Variants in OPCML observed in about 807,000 individuals in gnomAD.
OPCML encodes the protein opioid binding protein/cell adhesion molecule like, also known as opioid-binding protein/cell adhesion molecule.
Under a neutral mutation model 37.8 loss-of-function variants are expected in OPCML, and 13 were observed. That is an observed-to-expected ratio of 0.34 (90% CI 0.22 to 0.55). The LOEUF (loss-of-function observed/expected upper bound fraction) is 0.55, where lower values mean the gene tolerates loss of function less well. Ranked by LOEUF, OPCML falls within the 20% of genes least tolerant of loss-of-function variation. The pLI, the probability that OPCML is intolerant of heterozygous loss-of-function variation, is 0.91. For missense variants in OPCML, 341 were observed against 435.6 expected (o/e 0.78, Z 1.93); for synonymous variants, 176 against 168.8 (o/e 1.04, Z -0.33).
chr11:132,962,565 T>C (rs942100126), intron 1 of OPCML, among the ~76,000 whole-genome samples: 2 of 152,214 alleles, frequency 1.3e-5, no homozygotes, highest in African/African-American at 4.8e-5. Context: ...ATTATTCTCA[T>C]ATTTGTCACA....
At chr11:132,863,273 T>C (rs1942383786) in intron 2 of OPCML, among the ~76,000 whole-genome samples, 1 of 152,142 alleles carries the variant, frequency 6.6e-6, no homozygotes, top group Admixed American at 6.5e-5. Flanking sequence ...ACCACAAGTA[T>C]AGTTGCATGA....
intron 1 of OPCML, among the ~76,000 whole-genome samples, chr11:133,296,633 G>A (rs1942638370): frequency 6.6e-6 from 1 of 152,168 alleles, no homozygotes; most frequent in Non-Finnish European, 1.5e-5. Flanking sequence ...TCCAACTCCT[G>A]CGTAGAAGCG....
At chr11:132,915,052 C>T (rs759392280) in intron 2 of OPCML, among the ~76,000 whole-genome samples, 6 of 152,144 alleles carry the variant, frequency 3.9e-5, no homozygotes, top group Non-Finnish European at 8.8e-5. Flanking sequence ...TTCTTTCTAA[C>T]AAAAAGTTTA....
At chr11:132,749,447 G>A (rs1470243204) in intron 2 of OPCML, among the ~76,000 whole-genome samples, 2 of 152,174 alleles carry the variant, frequency 1.3e-5, no homozygotes, top group African/African-American at 2.4e-5. Flanking sequence ...GTTTGAGTGG[G>A]TGGTAGAGGT....
intron 1 of OPCML, among the ~76,000 whole-genome samples, chr11:133,187,696 G>T (rs746246215): frequency 6.6e-6 from 1 of 152,168 alleles, no homozygotes; most frequent in African/African-American, 2.4e-5. Flanking sequence ...TAGAGCTACC[G>T]TGCTTAGGAA....
In OPCML at chr11:133,206,397, A is replaced by T. The variant is rs2136330069; in HGVS notation, c.62-263387T>A. 6.6e-6 allele frequency among the ~76,000 whole-genome samples: 1 copy of T among 152,304 alleles called. No individual in the cohort carries two copies. Among genetic ancestry groups the T allele is most frequent in the African/African-American group, 2.4e-5 (1 of 41,566 alleles). On this transcript the variant is annotated intron_variant, in intron 1 of 7. Transcript: ENST00000524381. The surrounding 1 kb of genome is among the most constrained non-coding windows in gnomAD (Gnocchi z 4.7). ...ATTTAGGAAACTGCATAACTTCTGG[A>T]GTCCTCAGTTTCCTGAGCTATGAAA... is the stretch of plus-strand genomic sequence containing the variant.
chr11:133,247,777 AT>A (rs1293560021), intron 1 of OPCML, among the ~76,000 whole-genome samples: 1 of 151,774 alleles, frequency 6.6e-6, no homozygotes, highest in Non-Finnish European at 1.5e-5. Flanking sequence ...TAATTTTTGT[AT>A]TTTTAGTAGA....
At chr11:133,363,727 C>A (rs1317209617) in intron 1 of OPCML, among the ~76,000 whole-genome samples, 1 of 152,192 alleles carries the variant, frequency 6.6e-6, no homozygotes, top group Non-Finnish European at 1.5e-5. Flanking sequence ...CCCCCTCCCA[C>A]TGTGCGTGAC....
chr11:132,656,789 T>C (rs1039202238), intron 3 of OPCML, among the ~76,000 whole-genome samples: 3 of 152,226 alleles, frequency 2.0e-5, no homozygotes, highest in African/African-American at 7.2e-5. Flanking sequence ...TTTGCATGTA[T>C]CTCACTCCAG....
At chr11:133,183,975 G>T (rs1041141507) in intron 1 of OPCML, among the ~76,000 whole-genome samples, 2 of 152,066 alleles carry the variant, frequency 1.3e-5, no homozygotes, top group African/African-American at 2.4e-5. Flanking sequence ...ACTTATTTAC[G>T]CAGCACACAC....
intron 1 of OPCML, among the ~76,000 whole-genome samples, chr11:133,327,138 G>C (rs1419650759): frequency 7.0e-6 from 1 of 142,042 alleles, no homozygotes; most frequent in Non-Finnish European, 1.6e-5. Flanking sequence ...TGGGGAGGGT[G>C]AGTGTGTGTA....
chr11:132,520,325 T>A (rs994015042), intron 4 of OPCML, among the ~76,000 whole-genome samples: 2 of 152,176 alleles, frequency 1.3e-5, no homozygotes, highest in Non-Finnish European at 2.9e-5. Flanking sequence ...AAAGCTACCA[T>A]TTTAGTTAGC....
At chr11:133,478,151 A>T (rs1471867070) in intron 1 of OPCML, among the ~76,000 whole-genome samples, 2 of 152,204 alleles carry the variant, frequency 1.3e-5, no homozygotes, top group African/African-American at 4.8e-5. Flanking sequence ...GTGGCAGTAC[A>T]GAATCCCCAA....
intron 1 of OPCML, among the ~76,000 whole-genome samples, chr11:132,969,416 T>C (rs1591860194): frequency 6.6e-6 from 1 of 152,318 alleles, no homozygotes; most frequent in African/African-American, 2.4e-5. Flanking sequence ...TGTTTTCACA[T>C]TTATCCTGCT....
At chr11:133,342,385 A>G (rs1403236952) in intron 1 of OPCML, among the ~76,000 whole-genome samples, 1 of 152,224 alleles carries the variant, frequency 6.6e-6, no homozygotes, top group African/African-American at 2.4e-5. Context: ...ACAACTTGAT[A>G]GAGTGCCGCT....
intron 3 of OPCML, among the ~76,000 whole-genome samples, chr11:132,559,247 C>T (rs1163071335): frequency 6.6e-6 from 1 of 152,034 alleles, no homozygotes; most frequent in Middle Eastern, 3.4e-3. Flanking sequence ...TCAAATCTAT[C>T]TTGGGCCCTT....
At chr11:132,629,437 C>T (rs1209783780) in intron 3 of OPCML, among the ~76,000 whole-genome samples, 1 of 152,082 alleles carries the variant, frequency 6.6e-6, no homozygotes, top group Non-Finnish European at 1.5e-5. Flanking sequence ...CAGACATGAC[C>T]TTAGCTATGA....
At chr11:132,925,832 C>T (rs1441725817) in intron 2 of OPCML, among the ~76,000 whole-genome samples, 1 of 152,136 alleles carries the variant, frequency 6.6e-6, no homozygotes, top group Non-Finnish European at 1.5e-5. Flanking sequence ...GATGGAGAGC[C>T]AGCCCCCAAG....
intron 4 of OPCML, among the ~76,000 whole-genome samples, chr11:132,497,652 G>A (rs1411558088): frequency 6.6e-6 from 1 of 152,056 alleles, no homozygotes; most frequent in Non-Finnish European, 1.5e-5. Flanking sequence ...TGAAGTGGGA[G>A]TATTTTCCCT....
Sources: allele counts gnomAD v4.1 joint callset (sites outside exome capture counted in the v4.1 genomes callset), GRCh38; gene constraint gnomAD v4.1.1; non-coding constraint Gnocchi (gnomAD v3.1); transcripts MANE v1.5; gene names NCBI Gene and HGNC (gene_info 2026-07-23, HGNC 2026-07-21).